CDH12: variants seen among roughly 807,000 people sequenced by gnomAD.
CDH12 encodes the protein cadherin-12.
In CDH12, 41 loss-of-function variants were observed where a neutral mutation model predicts 74.1. The observed-to-expected ratio is 0.55, with a 90% CI of 0.43 to 0.72. The LOEUF (loss-of-function observed/expected upper bound fraction) is 0.72, where lower values mean the gene tolerates loss of function less well. CDH12 is among the 30% of genes least tolerant of loss of function. The pLI, the probability that CDH12 is intolerant of heterozygous loss-of-function variation, is 0.00. For synonymous variants in CDH12, 399 were observed against 355.0 expected, an observed-to-expected ratio of 1.12 and a Z score of -1.39; for missense variants, 945 against 977.2, an observed-to-expected ratio of 0.97 and a Z score of 0.44.
intron 5 of CDH12, among the ~76,000 whole-genome samples, chr5:22,030,858 T>C (rs1738769200): frequency 6.6e-6 from 1 of 152,200 alleles, no homozygotes; most frequent in South Asian, 2.1e-4. Context: ...CTTGCTGCAG[T>C]TGTAGACATC....
intron 3 of CDH12, among the ~76,000 whole-genome samples, chr5:22,290,972 T>C (rs1327356488): frequency 3.3e-5 from 5 of 152,186 alleles, no homozygotes; most frequent in African/African-American, 1.2e-4. Flanking sequence ...TCCGAAAAAT[T>C]GAAGAGGAGA....
intron 5 of CDH12, among the ~76,000 whole-genome samples, chr5:22,053,620 C>T (rs926860388): frequency 1.3e-5 from 2 of 152,016 alleles, no homozygotes; most frequent in African/African-American, 4.8e-5. Context: ...CCCATGCTCC[C>T]ATTTTCTTAT....
At chr5:22,141,815 C>T (rs1200739213) in intron 4 of CDH12, among the ~76,000 whole-genome samples, 1 of 152,172 alleles carries the variant, frequency 6.6e-6, no homozygotes, top group Non-Finnish European at 1.5e-5. Context: ...AGTTAACACT[C>T]ATAATGCATT....
At chr5:21,865,371 A>C (rs1751272591) in intron 6 of CDH12, among the ~76,000 whole-genome samples, 2 of 152,154 alleles carry the variant, frequency 1.3e-5, no homozygotes. Context: ...CCCTTTGCTA[A>C]AGAGATTACT....
In CDH12 at chr5:22,570,550, G is replaced by T. The variant is rs899049916; in HGVS notation, c.-522-65186C>A. 2.0e-5 allele frequency among the ~76,000 whole-genome samples: 3 copies of T among 152,052 alleles called. No homozygotes were observed. The South Asian group carries it at 6.2e-4, about 32-fold the overall frequency. On this transcript the variant is annotated intron_variant, in intron 1 of 14. Transcript: ENST00000382254. ...AAAAAATAACATTTATAGATAGTAGGTCTCAACAGTAGGCTTAACATACTC... is the reference window on the plus strand; with the variant it reads ...AAAAAATAACATTTATAGATAGTAGTTCTCAACAGTAGGCTTAACATACTC...
At chr5:22,105,340 A>T (rs903313673) in intron 4 of CDH12, among the ~76,000 whole-genome samples, 1 of 149,496 alleles carries the variant, frequency 6.7e-6, no homozygotes, top group African/African-American at 2.5e-5. Flanking sequence ...TGATCCGCCC[A>T]CCTCGGCCCC....
intron 1 of CDH12, among the ~76,000 whole-genome samples, chr5:22,698,497 G>A (rs115463560): frequency 0.048 from 7,189 of 151,070 alleles, 215 homozygotes; most frequent in Admixed American, 0.075. Flanking sequence ...ATTGAAGCTC[G>A]TTAAAGCCTG....
chr5:22,295,511 A>G (rs1737581763), intron 3 of CDH12, among the ~76,000 whole-genome samples: 1 of 152,192 alleles, frequency 6.6e-6, no homozygotes, highest in Non-Finnish European at 1.5e-5. Context: ...CACACTTAGT[A>G]ATACAACCTA....
At chr5:21,898,097 A>G (rs897905200) in intron 6 of CDH12, among the ~76,000 whole-genome samples, 2 of 152,164 alleles carry the variant, frequency 1.3e-5, no homozygotes, top group Non-Finnish European at 2.9e-5. Flanking sequence ...TTGAATATTA[A>G]ACAACTGCTG....
intron 1 of CDH12, among the ~76,000 whole-genome samples, chr5:22,643,035 C>T (rs1221043084): frequency 6.6e-6 from 1 of 152,040 alleles, no homozygotes; most frequent in Non-Finnish European, 1.5e-5. Context: ...TCACAATGTG[C>T]CTATGAAGCT....
intron 3 of CDH12, among the ~76,000 whole-genome samples, chr5:22,342,514 T>A (rs1310679429): frequency 6.6e-6 from 1 of 150,946 alleles, no homozygotes; most frequent in African/African-American, 2.4e-5. Context: ...TTTCCTTCCT[T>A]CCTTCCTCCC....
intron 4 of CDH12, among the ~76,000 whole-genome samples, chr5:22,191,844 G>A (rs930917766): frequency 1.3e-5 from 2 of 151,858 alleles, no homozygotes; most frequent in African/African-American, 4.8e-5. Context: ...GATTACAGGC[G>A]TGAGCCACCG....
At chr5:22,846,483 G>A (rs1737308647) in intron 1 of CDH12, among the ~76,000 whole-genome samples, 1 of 152,114 alleles carries the variant, frequency 6.6e-6, no homozygotes, top group Admixed American at 6.6e-5. Context: ...AAAAGACACA[G>A]AGAACTCAGA....
intron 1 of CDH12, among the ~76,000 whole-genome samples, chr5:22,622,155 C>T (rs1281461115): frequency 6.6e-6 from 1 of 151,360 alleles, no homozygotes; most frequent in Non-Finnish European, 1.5e-5. Flanking sequence ...TTAGCAAAAG[C>T]TAAAAAATGA....
intron 1 of CDH12, among the ~76,000 whole-genome samples, chr5:22,838,969 GC>G (rs1736965357): frequency 6.6e-6 from 1 of 152,088 alleles, no homozygotes; most frequent in South Asian, 2.1e-4. Context: ...GAGCCACTGT[GC>G]CCAGCCTTAA....
intron 2 of CDH12, among the ~76,000 whole-genome samples, chr5:22,491,825 G>C (rs183081274): frequency 6.6e-6 from 1 of 152,124 alleles, no homozygotes; most frequent in East Asian, 1.9e-4. Flanking sequence ...TGCAGGGCTT[G>C]TTTCTTCTGA....
At chr5:22,338,719 A>G (rs1739708710) in intron 3 of CDH12, among the ~76,000 whole-genome samples, 1 of 152,202 alleles carries the variant, frequency 6.6e-6, no homozygotes, top group Admixed American at 6.5e-5. Context: ...AAAATTTTTA[A>G]AATTTAAACC....
At chr5:22,715,469 G>C (rs1743524182) in intron 1 of CDH12, among the ~76,000 whole-genome samples, 1 of 152,156 alleles carries the variant, frequency 6.6e-6, no homozygotes, top group Admixed American at 6.5e-5. Flanking sequence ...TACTGTGATT[G>C]ATGTTTGAGC....
chr5:22,517,492 G>A (rs1456575880), intron 1 of CDH12, among the ~76,000 whole-genome samples: 1 of 152,112 alleles, frequency 6.6e-6, no homozygotes, highest in African/African-American at 2.4e-5. Context: ...AATATTATCA[G>A]CCACAAAACT....
Sources: allele counts gnomAD v4.1 joint callset (sites outside exome capture counted in the v4.1 genomes callset), GRCh38; gene constraint gnomAD v4.1.1; transcripts MANE v1.5; gene names NCBI Gene and HGNC (gene_info 2026-07-23, HGNC 2026-07-21).